ARID1B: variants seen among roughly 807,000 people sequenced by gnomAD.
ARID1B encodes AT-rich interactive domain-containing protein 1B.
A neutral mutation model predicts 212.3 loss-of-function variants in ARID1B; 30 were observed. The observed-to-expected ratio is 0.14, with a 90% confidence interval of 0.11 to 0.19. The LOEUF (loss-of-function observed/expected upper bound fraction) is 0.19, where lower values mean the gene tolerates loss of function less well. Among genes scored for constraint, ARID1B ranks in the 10% least tolerant of loss-of-function variants. The probability of loss-of-function intolerance (pLI) is 1.00; values close to 1 mark genes in which losing one functional copy is unlikely to be tolerated. For missense variants in ARID1B, 2,891 were observed against 3,204.0 expected (o/e 0.90, Z 2.36); for synonymous variants, 1,402 against 1,301.7 (o/e 1.08, Z -1.66).
At chr6:156,930,576 T>C (rs1791614437) in intron 3 of ARID1B, among the ~76,000 whole-genome samples, 3 of 152,216 alleles carry the variant, frequency 2.0e-5, no homozygotes, top group South Asian at 2.1e-4. Flanking sequence ...GAGATTTTCA[T>C]GTGAAGATAT....
chr6:156,897,185 G>GCTA (rs1562467943), intron 2 of ARID1B, among the ~76,000 whole-genome samples: 3 of 139,118 alleles, frequency 2.2e-5, no homozygotes, highest in Non-Finnish European at 1.6e-5. Flanking sequence ...TTCTTTTGCT[G>GCTA]CTGCTACTGC....
At chr6:156,782,052 C>A (rs1046808682) in intron 1 of ARID1B, among the ~76,000 whole-genome samples, 2 of 109,542 alleles carry the variant, frequency 1.8e-5, no homozygotes, top group African/African-American at 7.1e-5. Flanking sequence ...TCAGGAATTT[C>A]TTTTAAGTAC....
At chr6:156,780,787 C>A (rs1190214645) in intron 1 of ARID1B, among the ~76,000 whole-genome samples, 2 of 152,160 alleles carry the variant, frequency 1.3e-5, no homozygotes, top group African/African-American at 4.8e-5. Context: ...AAATTCAGAT[C>A]TTTGATGATA....
At chr6:156,808,482 A>AC (rs1338078819) in intron 1 of ARID1B, among the ~76,000 whole-genome samples, 3 of 152,180 alleles carry the variant, frequency 2.0e-5, no homozygotes, top group African/African-American at 7.2e-5. Flanking sequence ...GCCTACATTG[A>AC]CCGTGAACCA....
chr6:157,040,837 T>A (rs769827717), intron 4 of ARID1B, among the ~76,000 whole-genome samples: 4 of 152,254 alleles, frequency 2.6e-5, no homozygotes, highest in Non-Finnish European at 4.4e-5. Flanking sequence ...TAAAGGTAAC[T>A]TAGAATTTGA....
intron 1 of ARID1B, among the ~76,000 whole-genome samples, chr6:156,795,107 G>GGCCATGAACTAGTCAGCA (rs1562390679): frequency 1.2e-5 from 1 of 81,176 alleles, no homozygotes; most frequent in Non-Finnish European, 2.8e-5. Flanking sequence ...TACCCAGGGT[G>GGCCATGAACTAGTCAGCA]GCCGTGAACT....
At chr6:156,990,709 C>T (rs1247716540) in intron 4 of ARID1B, among the ~76,000 whole-genome samples, 1 of 152,092 alleles carries the variant, frequency 6.6e-6, no homozygotes, top group African/African-American at 2.4e-5. Context: ...CCAAGCTGGT[C>T]TCAAACTCCT....
intron 8 of ARID1B, among the ~76,000 whole-genome samples, chr6:157,156,433 G>T (rs1351211543): frequency 1.3e-5 from 2 of 152,158 alleles, no homozygotes; most frequent in Non-Finnish European, 2.9e-5. Context: ...TAAAGATTAT[G>T]ATTTCAATTA....
At chr6:156,803,563 C>G (rs1201273067) in intron 1 of ARID1B, among the ~76,000 whole-genome samples, 1 of 151,472 alleles carries the variant, frequency 6.6e-6, no homozygotes, top group Non-Finnish European at 1.5e-5. Flanking sequence ...TCCCTCCTTT[C>G]TCTTCAAGTG....
intron 1 of ARID1B, among the ~76,000 whole-genome samples, chr6:156,800,952 T>C (rs1780740534): frequency 6.6e-6 from 1 of 152,202 alleles, no homozygotes; most frequent in South Asian, 2.1e-4. Flanking sequence ...ATTAGCCACA[T>C]TGTATGTGCT....
chr6:156,945,233 C>CTTTTTTTTTTTTTTTTTTT (rs1164805779), intron 4 of ARID1B, among the ~76,000 whole-genome samples: 4 of 32,664 alleles, frequency 1.2e-4, no homozygotes, highest in African/African-American at 2.2e-4. Flanking sequence ...CCGCATCCGG[C>CTTTTTTTTTTTTTTTTTTT]TTTTTTTTTT....
intron 4 of ARID1B, among the ~76,000 whole-genome samples, chr6:157,055,741 A>G (rs1251793479): frequency 6.6e-6 from 1 of 152,152 alleles, no homozygotes; most frequent in African/African-American, 2.4e-5. Context: ...TCTACTCAGG[A>G]TCTCGTGAAG....
intron 4 of ARID1B, among the ~76,000 whole-genome samples, chr6:157,039,881 CT>C (rs370820600): frequency 0.23 from 15,183 of 67,324 alleles, 1,397 homozygotes; most frequent in East Asian, 0.3. Flanking sequence ...TCTTTCTTTT[CT>C]CTTCCTTCCT....
intron 4 of ARID1B, among the ~76,000 whole-genome samples, chr6:156,945,179 C>T (rs1341245033): frequency 5.1e-4 from 75 of 147,074 alleles, no homozygotes; most frequent in African/African-American, 1.8e-3. Context: ...TTGTGATCCG[C>T]CCGCCTCTGC....
intron 3 of ARID1B, among the ~76,000 whole-genome samples, chr6:156,932,151 G>A (rs1420467616): frequency 7.4e-6 from 1 of 135,466 alleles, no homozygotes; most frequent in Non-Finnish European, 1.5e-5. Context: ...AAAAAGGGGG[G>A]GGGCGGGGTG....
intron 2 of ARID1B, among the ~76,000 whole-genome samples, chr6:156,837,618 A>C (rs534682456): frequency 6.6e-6 from 1 of 152,342 alleles, no homozygotes; most frequent in South Asian, 2.1e-4. Context: ...ACATGTAATA[A>C]ATTTATTAAA....
chr6:156,778,862 C>A lies in ARID1B; in HGVS notation c.1182C>A (p.Gly394=), dbSNP rs1438596824. The A allele has an allele frequency of 7.1e-7, 1 of 1,399,022 alleles. No homozygotes were observed. The highest frequency in any genetic ancestry group is 9.3e-7 in the Non-Finnish European group (1 of 1,073,608). 86.7% of individuals were successfully genotyped at this position (1,399,022 alleles called of 1,614,324 possible). A position where few individuals can be genotyped will look rare whatever the true frequency, so the allele number is the denominator to read the frequency against. ...GGCCCGGCGCGGGCGGCGGCGGCGG[C>A]GGCGGCGGCGGAGGAGGAGGAGGCA... ...YSRPGAGGGG[G]GGGGGGGGSG... The change falls in exon 1 of 20, where the codon GGC becomes GGA. Residue 394 remains glycine (G), a synonymous_variant. Transcript: ENST00000636930.
intron 1 of ARID1B, among the ~76,000 whole-genome samples, chr6:156,795,115 A>ACTAGTCAGCAGCCGTGAC (rs11275818): frequency 0.42 from 64,240 of 151,738 alleles, 14,151 homozygotes; most frequent in African/African-American, 0.51. Context: ...GTGGCCGTGA[A>ACTAGTCAGCAGCCGTGAC]CTAGTCAGCA....
At chr6:156,893,282 G>A (rs763010467) in intron 2 of ARID1B, among the ~76,000 whole-genome samples, 2 of 152,020 alleles carry the variant, frequency 1.3e-5, no homozygotes, top group Admixed American at 6.6e-5. Context: ...CGCCTCGGCC[G>A]TCCGAAGTGC....
Sources: gnomAD v4.1 joint callset for allele counts (sites outside exome capture counted in the v4.1 genomes callset) on GRCh38, gnomAD v4.1.1 for gene constraint, MANE v1.5 for transcripts, NCBI Gene and HGNC (gene_info 2026-07-23, HGNC 2026-07-21) for gene names.